CADPS2: variants seen among roughly 807,000 people sequenced by gnomAD.
CADPS2 encodes calcium-dependent secretion activator 2.
CADPS2 carries 93 observed loss-of-function variants against 172.5 expected under a neutral mutation model. That is an observed-to-expected ratio of 0.54 (90% CI 0.46 to 0.64). CADPS2 has a LOEUF of 0.64. Ranked by LOEUF, CADPS2 falls within the 30% of genes least tolerant of loss-of-function variation. The pLI is 0.00. For missense variants in CADPS2, 1,420 were observed against 1,565.9 expected (o/e 0.91, Z 1.57); for synonymous variants, 546 against 555.2 (o/e 0.98, Z 0.23).
chr7:122,677,207 G>C lies in CADPS2; in HGVS notation c.454-13638C>G, dbSNP rs148861014. Among the ~76,000 whole-genome samples the C allele has an allele frequency of 8.5e-5, 13 of 152,338 alleles. No homozygotes were observed. The East Asian group carries it at 2.1e-3, about 25-fold the overall frequency. On this transcript the variant is annotated intron_variant, in intron 2 of 29. Coordinates refer to ENST00000449022, the MANE Select transcript of CADPS2 (RefSeq NM_017954.11). ...TATGCCTGTGGCTTGATAAATACTA[G>C]TGAGAATTTCTGGTGCTATAAGTTT...
At chr7:122,465,257 G>A (rs115784847) in intron 14 of CADPS2, among the ~76,000 whole-genome samples, 2,678 of 152,282 alleles carry the variant, frequency 0.018, 72 homozygotes, top group African/African-American at 0.061. Flanking sequence ...CCATTTCCCA[G>A]AAAATCATAA....
chr7:122,631,197 T>C (rs2076543397), intron 3 of CADPS2, among the ~76,000 whole-genome samples: 1 of 152,196 alleles, frequency 6.6e-6, no homozygotes, highest in Admixed American at 6.6e-5. Flanking sequence ...TAAATGCTGA[T>C]ACATATTTCT....
At chr7:122,538,146 TA>T (rs35361124) in intron 8 of CADPS2, among the ~76,000 whole-genome samples, 81,025 of 146,362 alleles carry the variant, frequency 0.55, 21,811 homozygotes, top group Admixed American at 0.59. Context: ...ACAAATTCAG[TA>T]AAAAAAAAAA....
intron 8 of CADPS2, among the ~76,000 whole-genome samples, chr7:122,514,877 C>T (rs1360340527): frequency 6.6e-6 from 1 of 151,820 alleles, no homozygotes; most frequent in African/African-American, 2.4e-5. Flanking sequence ...GAGTAGGATT[C>T]AAAACTACAC....
chr7:122,391,401 T>TAACA (rs2044350987), intron 22 of CADPS2, among the ~76,000 whole-genome samples: 1 of 152,034 alleles, frequency 6.6e-6, no homozygotes, highest in Non-Finnish European at 1.5e-5. Flanking sequence ...AAAAGATTAC[T>TAACA]AACAAAAAAA....
At chr7:122,453,208 T>C (rs1268882772) in intron 14 of CADPS2, among the ~76,000 whole-genome samples, 1 of 152,152 alleles carries the variant, frequency 6.6e-6, no homozygotes, top group Non-Finnish European at 1.5e-5. Flanking sequence ...ATGTTAACTA[T>C]GGAAAAATTA....
At chr7:122,480,371 C>T (rs145914251) in intron 12 of CADPS2, among the ~76,000 whole-genome samples, 341 of 150,762 alleles carry the variant, frequency 2.3e-3, no homozygotes, top group Admixed American at 6.4e-3. Flanking sequence ...ATACTTCATT[C>T]TAAAGCACTG....
At chr7:122,612,635 C>T (rs1430751534) in intron 6 of CADPS2, among the ~76,000 whole-genome samples, 2 of 151,984 alleles carry the variant, frequency 1.3e-5, no homozygotes, top group African/African-American at 4.8e-5. Flanking sequence ...ACAGTTACAA[C>T]ATAATCCCTA....
intron 2 of CADPS2, among the ~76,000 whole-genome samples, chr7:122,734,597 A>G (rs2092008868): frequency 1.3e-5 from 2 of 151,916 alleles, no homozygotes; most frequent in African/African-American, 4.8e-5. Flanking sequence ...TAAAAGTAAT[A>G]ATACATAAAT....
chr7:122,874,014 T>C (rs1307777618), intron 1 of CADPS2, among the ~76,000 whole-genome samples: 1 of 152,282 alleles, frequency 6.6e-6, no homozygotes, highest in South Asian at 2.1e-4. Flanking sequence ...TGGGTTTTTT[T>C]TTTCTTGTAA....
At chr7:122,664,272 C>T (rs965927876) in intron 2 of CADPS2, among the ~76,000 whole-genome samples, 1 of 152,082 alleles carries the variant, frequency 6.6e-6, no homozygotes, top group Admixed American at 6.6e-5. Context: ...AATTGCCCAA[C>T]AGCTGGGGGG....
At chr7:122,845,930 G>A (rs1215196910) in intron 1 of CADPS2, among the ~76,000 whole-genome samples, 2 of 152,220 alleles carry the variant, frequency 1.3e-5, no homozygotes, top group South Asian at 2.1e-4. Flanking sequence ...ATGATTGCTC[G>A]CCAACACGGT....
intron 1 of CADPS2, among the ~76,000 whole-genome samples, chr7:122,860,614 A>C (rs1461751732): frequency 6.6e-6 from 1 of 152,312 alleles, no homozygotes; most frequent in East Asian, 1.9e-4. Context: ...CATTTAAGAA[A>C]GAAAAAACAG....
chr7:122,678,679 T>C (rs561531608), intron 2 of CADPS2, among the ~76,000 whole-genome samples: 2 of 152,246 alleles, frequency 1.3e-5, no homozygotes, highest in Non-Finnish European at 2.9e-5. Context: ...ATGTGAAAGA[T>C]ACCTCAAAAG....
At chr7:122,628,349 A>T (rs888318229) in intron 4 of CADPS2, among the ~76,000 whole-genome samples, 2 of 152,030 alleles carry the variant, frequency 1.3e-5, no homozygotes, top group Admixed American at 6.6e-5. Flanking sequence ...CATTATCTTG[A>T]TCTGGGAGGT....
chr7:122,335,749 A>G (rs1033990050), intron 28 of CADPS2, among the ~76,000 whole-genome samples: 1 of 152,188 alleles, frequency 6.6e-6, no homozygotes, highest in Non-Finnish European at 1.5e-5. Flanking sequence ...CACAAAGATG[A>G]TTAAAGGGCT....
At chr7:122,358,939 T>C (rs1247478752) in intron 27 of CADPS2, among the ~76,000 whole-genome samples, 1 of 151,974 alleles carries the variant, frequency 6.6e-6, no homozygotes, top group African/African-American at 2.4e-5. Flanking sequence ...TGATGAAGAG[T>C]CTGGATATGA....
At chr7:122,421,843 T>G (rs2151814859) in intron 17 of CADPS2, among the ~76,000 whole-genome samples, 1 of 152,322 alleles carries the variant, frequency 6.6e-6, no homozygotes, top group Non-Finnish European at 1.5e-5. Context: ...TTTAAATTGC[T>G]GTGTATATCA....
chr7:122,623,346 AC>A (rs2075786785), intron 4 of CADPS2, among the ~76,000 whole-genome samples: 1 of 152,194 alleles, frequency 6.6e-6, no homozygotes, highest in Non-Finnish European at 1.5e-5. Flanking sequence ...TTTTGGACTA[AC>A]TTTAAGGCTG....
Sources: gnomAD v4.1 joint callset for allele counts (sites outside exome capture counted in the v4.1 genomes callset) on GRCh38, gnomAD v4.1.1 for gene constraint, MANE v1.5 for transcripts, NCBI Gene and HGNC (gene_info 2026-07-23, HGNC 2026-07-21) for gene names.